FHDC1: variants seen among roughly 807,000 people sequenced by gnomAD.
FHDC1 encodes the protein FH2 domain-containing protein 1.
Under a neutral mutation model 52.6 loss-of-function variants are expected in FHDC1, and 25 were observed. That is an observed-to-expected ratio of 0.48 (90% confidence interval 0.35 to 0.66). The LOEUF is 0.66. Among genes scored for constraint, FHDC1 ranks in the 30% least tolerant of loss-of-function variants. The pLI, the probability that FHDC1 is intolerant of heterozygous loss-of-function variation, is 0.01. For missense variants in FHDC1, 1,459 were observed against 1,452.8 expected, an observed-to-expected ratio of 1.00 and a Z score of -0.07; for synonymous variants, 616 against 581.5, an observed-to-expected ratio of 1.06 and a Z score of -0.85.
In FHDC1 at chr4:152,978,247, G is replaced by A. The variant is rs1031022988; in HGVS notation, c.*1524G>A. On this transcript the variant is annotated 3_prime_UTR_variant, in exon 12 of 12. Coordinates refer to ENST00000511601, the MANE Select transcript of FHDC1 (RefSeq NM_001371116.1). ...GCTGCTATGACCTGTGTTCACTCTG[G>A]TTACAGGGAGGTGCAAACCATTCTG... The A allele has an allele frequency of 2.6e-5, 4 of 152,198 alleles. No individual in the cohort carries two copies. The highest frequency in any genetic ancestry group is 5.9e-5 in the Non-Finnish European group (4 of 68,052). 9.4% of individuals were successfully genotyped at this position (152,198 alleles called of 1,614,324 possible).
At chr4:152,920,121 G>A in the FHDC1 span, among the ~76,000 whole-genome samples, 2 of 151,650 alleles carry the variant, frequency 1.3e-5, no homozygotes, top group Non-Finnish European at 2.9e-5. Context: ...CCAATTTTTT[G>A]TATTTTAGTA....
At chr4:152,926,307 C>CA in the FHDC1 span, among the ~76,000 whole-genome samples, 1 of 144,060 alleles carries the variant, frequency 6.9e-6, no homozygotes, top group Non-Finnish European at 1.5e-5. Flanking sequence ...CACACACAAA[C>CA]AATACACACA....
rs780794533 is a variant in FHDC1 at position 152,960,861 on chromosome 4, T to C, written c.850+17T>C. On this transcript the variant is annotated intron_variant, in intron 6 of 11. Transcript: ENST00000511601. ...CTATAAAAGGTGAGTCAACATATGA[T>C]CCTTCGCAGAATTTGTTTTTATTAA... is the stretch of plus-strand genomic sequence containing the variant. 2.0e-6 allele frequency: 3 copies of C among 1,523,804 alleles called. No individual in the cohort carries two copies. In the Admixed American group the frequency reaches 6.7e-5, roughly 34 times the overall value. The allele number at this position is 1,523,804 out of a possible 1,614,324, so 94.4% of individuals were successfully genotyped here.
intron 4 of FHDC1, among the ~76,000 whole-genome samples, chr4:152,955,496 G>A (rs903929061): frequency 9.9e-5 from 15 of 152,090 alleles, no homozygotes; most frequent in African/African-American, 3.4e-4. Context: ...AGTAATAGAT[G>A]ACTTTCTTTT....
At position 152,943,373 on chromosome 4, in the gene FHDC1, C is replaced by G. The variant is rs375389058; in HGVS notation, c.316C>G (p.Pro106Ala). ...RMRSFFWKTI[P>A]EEQVRGKTNI... ...GAGAAGCTTTTTTTGGAAAACTATT[C>G]CGGAGGAGCAAGTTCGAGGCAAAAC... Residue 106 changes from proline to alanine, a missense_variant, in exon 2 of 12, where the codon CCG becomes GCG. Around this residue, in one of 3 missense-constraint regions of FHDC1, gnomAD observed 513 missense variants for 581.5 expected, o/e 0.88. Coordinates refer to ENST00000511601, the MANE Select transcript of FHDC1 (RefSeq NM_001371116.1). 2 of 1,610,822 alleles carry G rather than the reference C, an allele frequency of 1.2e-6. No individual in the cohort carries two copies. Among genetic ancestry groups the G allele is most frequent in the East Asian group, 2.2e-5 (1 of 44,674 alleles).
the FHDC1 span, among the ~76,000 whole-genome samples, chr4:152,917,329 A>G: frequency 6.6e-6 from 1 of 152,224 alleles, no homozygotes; most frequent in Non-Finnish European, 1.5e-5. Context: ...CCGCTTAAAA[A>G]TAAGTATTTA....
At chr4:152,974,526 A>G (rs2149962053) in intron 11 of FHDC1, 149 bp from the exon 12 acceptor site, 10 of 1,214,330 alleles carry the variant, frequency 8.2e-6, no homozygotes, top group Non-Finnish European at 1.1e-5. Context: ...ATGCATGTGC[A>G]CACACACAGC....
At chr4:152,913,140 C>T in the FHDC1 span, among the ~76,000 whole-genome samples, 4 of 152,270 alleles carry the variant, frequency 2.6e-5, no homozygotes, top group East Asian at 7.7e-4. Context: ...ATTTCAACCG[C>T]ATAATTAAAT....
Position 152,954,245 on chromosome 4 carries a change from C to A in FHDC1, c.589C>A (p.His197Asn). The A allele has an allele frequency of 6.2e-7, 1 of 1,614,078 alleles. No individual in the cohort carries two copies. Among genetic ancestry groups the A allele is most frequent in the South Asian group, 1.1e-5 (1 of 91,076 alleles). Residue 197 changes from histidine (H) to asparagine (N), a missense_variant, in exon 4 of 12, where the codon CAT becomes AAT. Physicochemically the swap from His to Asn is moderately conservative, Grantham distance 68. This residue lies in a region of FHDC1 where 513 missense variants were observed against 581.5 expected (regional missense o/e 0.88). Coordinates refer to ENST00000511601, the MANE Select transcript of FHDC1 (RefSeq NM_001371116.1). The part of the protein sequence containing the change: ...KSPRSIVEDI[H>N]QGKSEHYGSE... The stretch of plus-strand genomic sequence containing the variant: ...TCCTCGGTCCATTGTAGAAGATATT[C>A]ATCAAGGAAAAAGTGAGCATTATGG...
the FHDC1 span, among the ~76,000 whole-genome samples, chr4:152,925,603 G>C: frequency 6.6e-6 from 1 of 152,092 alleles, no homozygotes; most frequent in African/African-American, 2.4e-5. Context: ...ATTTAGATAG[G>C]TAGTTCTAAA....
At chr4:152,914,702 T>C in the FHDC1 span, among the ~76,000 whole-genome samples, 1 of 152,242 alleles carries the variant, frequency 6.6e-6, no homozygotes. Context: ...AAAGTAACTT[T>C]CTATGACTTA....
rs1739940794 is a variant in FHDC1 at position 152,952,056 on chromosome 4, A to T, written c.499-1443A>T. ...AAACAAACAAACAAACAAACAAAAA[A>T]GTATCTTATCCTTGGTGAAATGTAT... is the stretch of plus-strand genomic sequence containing the variant. On this transcript the variant is annotated intron_variant, in intron 2 of 11. Transcript: ENST00000511601. Among the ~76,000 whole-genome samples, 3 of 152,218 alleles carry T rather than the reference A, an allele frequency of 2.0e-5. No homozygotes were observed. In the South Asian group the frequency reaches 6.2e-4, roughly 31 times the overall value.
intron 1 of FHDC1, among the ~76,000 whole-genome samples, chr4:152,939,631 G>T (rs1479803198): frequency 6.6e-6 from 1 of 152,202 alleles, no homozygotes; most frequent in Non-Finnish European, 1.5e-5. Context: ...ATAGTTGAAA[G>T]ATGCTCAACT....
the FHDC1 span, among the ~76,000 whole-genome samples, chr4:152,921,601 C>T: frequency 6.7e-6 from 1 of 149,354 alleles, no homozygotes; most frequent in Non-Finnish European, 1.5e-5. Flanking sequence ...TCCCTCCCTC[C>T]CTCCCTCCCT....
At chr4:152,921,014 T>G in the FHDC1 span, among the ~76,000 whole-genome samples, 2 of 152,042 alleles carry the variant, frequency 1.3e-5, no homozygotes, top group Non-Finnish European at 2.9e-5. Context: ...TGAACATCCC[T>G]TTTTCTTAAA....
At chr4:152,960,883 T>C in intron 6 of FHDC1, 39 bp downstream of exon 6, 1 of 1,451,346 alleles carries the variant, frequency 6.9e-7, no homozygotes, top group Non-Finnish European at 9.3e-7. Context: ...TTTGTTTTTA[T>C]TAATTTCGAT....
At position 152,972,497 on chromosome 4, in the gene FHDC1, C is replaced by G; in HGVS notation, c.1339C>G (p.Gln447Glu). 1 of 1,613,830 alleles carries G rather than the reference C, an allele frequency of 6.2e-7. No homozygotes were observed. The highest frequency in any genetic ancestry group is 8.5e-7 in the Non-Finnish European group (1 of 1,179,908). ...KKTMKLDECF[Q>E]IFRDFCTKFN... is the part of the protein sequence containing the mutation. Reference sequence around the variant, plus strand: ...AACCATGAAACTGGATGAATGCTTTCAGATATTTAGAGATTTCTGTACCAA... The same window carrying G: ...AACCATGAAACTGGATGAATGCTTTGAGATATTTAGAGATTTCTGTACCAA... The change falls in exon 11 of 12, where the codon CAG becomes GAG. Residue 447 changes from glutamine to glutamate, a missense_variant. By Grantham distance (29) the Gln-to-Glu change is conservative. This residue lies in a region of FHDC1 where 513 missense variants were observed against 581.5 expected (regional missense o/e 0.88). Transcript: ENST00000511601.
At chr4:152,936,919 GGCGGTGGCGGGGACCTAGT>G (rs1739399904) in intron 1 of FHDC1, among the ~76,000 whole-genome samples, 2 of 152,264 alleles carry the variant, frequency 1.3e-5, no homozygotes, top group Non-Finnish European at 2.9e-5. Context: ...ACAGTGGTGG[GGCGGTGGCGGGGACCTAGT>G]GCGGTGGTGC....
rs1204179950 is a variant in FHDC1, at chr4:152,954,139, A to G, written c.561-78A>G. 9.5e-6 allele frequency: 12 copies of G among 1,266,212 alleles called. No individual in the cohort carries two copies. The Middle Eastern group carries it at 5.5e-4, about 58-fold the overall frequency. The allele number at this position is 1,266,212 out of a possible 1,614,324, so 78.4% of individuals were successfully genotyped here. A position where few individuals can be genotyped will look rare whatever the true frequency, so the allele number is the denominator to read the frequency against. On this transcript the variant is annotated intron_variant, in intron 3 of 11. Coordinates refer to ENST00000511601, the MANE Select transcript of FHDC1 (RefSeq NM_001371116.1). Reference sequence around the variant, plus strand: ...GTGGGTGGGAAGGAGGGTGGAGGAGATTTAATTTCCACTGGCTTGCACCTC... The same window carrying G: ...GTGGGTGGGAAGGAGGGTGGAGGAGGTTTAATTTCCACTGGCTTGCACCTC...
Sources: allele counts gnomAD v4.1 joint callset (sites outside exome capture counted in the v4.1 genomes callset), GRCh38; gene constraint gnomAD v4.1.1; regional missense constraint gnomAD v4.1.1; transcripts MANE v1.5; gene names NCBI Gene and HGNC (gene_info 2026-07-23, HGNC 2026-07-21).